The following SYTL5 variants were observed in gnomAD, a reference collection of about 807,000 sequenced individuals.
The protein encoded by SYTL5 is synaptotagmin like 5, also known as synaptotagmin-like protein 5.
In SYTL5, 34 loss-of-function variants were observed where a neutral mutation model predicts 55.9. The observed-to-expected ratio is 0.61, with a 90% confidence interval of 0.46 to 0.81. The LOEUF (loss-of-function observed/expected upper bound fraction) is 0.81, where lower values mean the gene tolerates loss of function less well. Among genes scored for constraint, SYTL5 ranks in the 30% least tolerant of loss-of-function variants. SYTL5 has a pLI of 0.00. For missense variants in SYTL5, 637 were observed against 546.7 expected (o/e 1.17, Z -1.65); for synonymous variants, 221 against 188.7 (o/e 1.17, Z -1.40).
At chrX:37,916,797 A>G in the SYTL5 span, among the ~76,000 whole-genome samples, 4 of 112,204 alleles carry the variant, frequency 3.6e-5, no homozygotes, top group African/African-American at 1.3e-4. Context: ...TTACATCAGT[A>G]TGGCACATTT....
chrX:38,023,969 G>A (rs1934661630), intron 1 of SYTL5: 2 of 109,475 alleles, frequency 1.8e-5, no homozygotes, highest in African/African-American at 6.8e-5. Context: ...AATTACTTTT[G>A]CACCAACCTA....
chrX:37,958,124 G>T, the SYTL5 span, among the ~76,000 whole-genome samples: 1 of 109,785 alleles, frequency 9.1e-6, no homozygotes, highest in Non-Finnish European at 1.9e-5. Flanking sequence ...CAGGATAATT[G>T]CTTGAGCCTG....
At chrX:38,112,199 A>G in intron 13 of SYTL5, among the ~76,000 whole-genome samples, 1 of 111,742 alleles carries the variant, frequency 8.9e-6, no homozygotes, top group Middle Eastern at 4.6e-3. Context: ...GACTCTCTTT[A>G]GAAGACTTCC....
chrX:38,011,566 G>A (rs1320166606), intron 1 of SYTL5, among the ~76,000 whole-genome samples: 15 of 110,158 alleles, frequency 1.4e-4, no homozygotes, highest in African/African-American at 4.6e-4. Flanking sequence ...CCCAGGAGGC[G>A]GAGTTTGCAG....
intron 10 of SYTL5, among the ~76,000 whole-genome samples, chrX:38,103,426 A>G (rs1409749035): frequency 1.8e-5 from 2 of 111,225 alleles, no homozygotes; most frequent in Non-Finnish European, 3.8e-5. Flanking sequence ...TAGGTGTCTT[A>G]GTTTCTCACA....
At chrX:38,122,001 A>G in intron 14 of SYTL5, 79 bp from the exon 15 acceptor site, 1 of 961,966 alleles carries the variant, frequency 1.0e-6, no homozygotes, top group African/African-American at 1.9e-5. Flanking sequence ...GATCTTTGTA[A>G]ATTTTGAAAT....
chrX:37,908,884 G>A, the SYTL5 span, among the ~76,000 whole-genome samples: 1 of 111,361 alleles, frequency 9.0e-6, no homozygotes, highest in African/African-American at 3.3e-5. Flanking sequence ...ACATGGGAAA[G>A]GATTTAGTGA....
rs768538757 is a variant in SYTL5 at position 38,106,778 on chromosome X, A to G, written c.1334+7A>G. The stretch of plus-strand genomic sequence containing the variant: ...AGAAACAGAGGACAGATGCGTAAGC[A>G]CATAGCATGTTCCTCAGACTATTTC... On this transcript the variant is annotated splice_region_variant and intron_variant, in intron 11 of 16. Coordinates refer to ENST00000297875, the MANE Select transcript of SYTL5 (RefSeq NM_138780.3). 12 of 1,173,977 alleles carry G rather than the reference A, an allele frequency of 1.0e-5. No homozygotes were observed. The Admixed American group carries it at 2.9e-4, about 29-fold the overall frequency.
At position 38,033,947 on chromosome X, in the gene SYTL5, A is replaced by G. The variant is rs1233189976; in HGVS notation, c.58A>G (p.Met20Val). The G allele has an allele frequency of 5.0e-6, 6 of 1,200,039 alleles. No homozygotes were observed. The African/African-American group carries it at 8.7e-5, about 17-fold the overall frequency. Residue 20 changes from methionine (M) to valine (V), a missense_variant, in exon 2 of 17, where the codon ATG becomes GTG. Physicochemically the swap from Met to Val is conservative, Grantham distance 21. Transcript: ENST00000297875. ...LSFLLDHEKE[M>V]ILGVLKRDEY... ...ATTTTTATTAGATCATGAGAAGGAA[A>G]TGATCCTGGGCGTCCTAAAGAGAGA... is the stretch of plus-strand genomic sequence containing the variant.
At chrX:38,034,743 G>A (rs186098890) in intron 2 of SYTL5, among the ~76,000 whole-genome samples, 21 of 112,339 alleles carry the variant, frequency 1.9e-4, no homozygotes, top group Non-Finnish European at 3.0e-4. Context: ...GATTGGTTGC[G>A]TCGCCTGCTC....
the SYTL5 span, among the ~76,000 whole-genome samples, chrX:37,956,549 T>C: frequency 8.9e-6 from 1 of 112,663 alleles, no homozygotes; most frequent in Non-Finnish European, 1.9e-5. Flanking sequence ...TTATTTGTTC[T>C]TCTATAACTG....
the SYTL5 span, among the ~76,000 whole-genome samples, chrX:37,912,335 A>G: frequency 8.9e-6 from 1 of 112,066 alleles, no homozygotes; most frequent in African/African-American, 3.2e-5. Context: ...GCCGTTAAAG[A>G]TCTGAACTGT....
At chrX:38,039,108 A>G (rs754945242) in intron 2 of SYTL5, among the ~76,000 whole-genome samples, 1 of 111,801 alleles carries the variant, frequency 8.9e-6, no homozygotes, top group Admixed American at 9.5e-5. Flanking sequence ...TCAGCTGGGG[A>G]ATAGGCATCT....
rs368342839 is a variant in SYTL5, at chrX:38,089,562, G to A, written c.806G>A (p.Arg269Gln). 12 of 1,208,547 alleles carry A rather than the reference G, an allele frequency of 9.9e-6. No individual in the cohort carries two copies. The African/African-American group carries it at 1.4e-4, about 14-fold the overall frequency. ...GTQSSPAPST[R>Q]TVTSVISREY... ...CAGAGTTCACCAGCCCCAAGCACAC[G>A]AACTGTGACCTCAGTCATCAGTAGA... The change falls in exon 7 of 17, where the codon CGA (arginine) becomes CAA (glutamine). Residue 269 changes from arginine (R) to glutamine (Q), a missense_variant. Coordinates refer to ENST00000297875, the MANE Select transcript of SYTL5 (RefSeq NM_138780.3).
intron 2 of SYTL5, among the ~76,000 whole-genome samples, chrX:38,043,690 T>TATATATATATAC (rs1366385489): frequency 5.8e-5 from 4 of 69,527 alleles, no homozygotes; most frequent in East Asian, 8.8e-4. Context: ...TATATATATA[T>TATATATATATAC]ACATATATAT....
intron 1 of SYTL5, among the ~76,000 whole-genome samples, chrX:38,018,072 A>G (rs1446036327): frequency 9.2e-6 from 1 of 109,033 alleles, no homozygotes; most frequent in Non-Finnish European, 1.9e-5. Flanking sequence ...CCTGTTAAGA[A>G]TTCCTTCATT....
At chrX:38,064,282 A>C (rs1047155120) in intron 3 of SYTL5, among the ~76,000 whole-genome samples, 1 of 111,645 alleles carries the variant, frequency 9.0e-6, no homozygotes, top group African/African-American at 3.2e-5. Flanking sequence ...TAGTGGTTGT[A>C]ACAATCAAAA....
the SYTL5 span, among the ~76,000 whole-genome samples, chrX:38,001,046 G>T: frequency 9.0e-6 from 1 of 110,689 alleles, no homozygotes; most frequent in African/African-American, 3.3e-5. Flanking sequence ...GCGTGGTCTT[G>T]GGAAATGCAA....
the SYTL5 span, chrX:37,991,315 G>A: frequency 1.2e-5 from 13 of 1,055,395 alleles, no homozygotes; most frequent in Non-Finnish European, 1.6e-5. Context: ...AAATCCATGA[G>A]TATGTTTCTG....
Sources: gnomAD v4.1 joint callset for allele counts (sites outside exome capture counted in the v4.1 genomes callset) on GRCh38, gnomAD v4.1.1 for gene constraint, MANE v1.5 for transcripts, NCBI Gene and HGNC (gene_info 2026-07-23, HGNC 2026-07-21) for gene names.